The following DIP2C variants were observed in gnomAD, a reference collection of about 807,000 sequenced individuals.
The protein encoded by DIP2C is disco-interacting protein 2 homolog C.
DIP2C carries 33 observed loss-of-function variants against 192.4 expected under a neutral mutation model. The observed-to-expected ratio is 0.17, with a 90% CI of 0.13 to 0.23. DIP2C has a LOEUF of 0.23. DIP2C is among the 10% of genes least tolerant of loss of function. The pLI is 1.00. For missense variants in DIP2C, 1,537 were observed against 2,110.1 expected (o/e 0.73, Z 5.32); for synonymous variants, 979 against 864.1 (o/e 1.13, Z -2.33).
At chr10:492,571 C>T (rs1444904937) in intron 1 of DIP2C, among the ~76,000 whole-genome samples, 2 of 152,158 alleles carry the variant, frequency 1.3e-5, no homozygotes, top group Non-Finnish European at 2.9e-5. Flanking sequence ...GCCTAGCGCC[C>T]CGCACTCTGG....
chr10:417,292 G>T (rs1293760566), intron 6 of DIP2C, among the ~76,000 whole-genome samples: 2 of 152,154 alleles, frequency 1.3e-5, no homozygotes, highest in African/African-American at 4.8e-5. Flanking sequence ...TGGGATTCTG[G>T]TGTGGGAGGC....
chr10:670,589 G>A (rs559862427), intron 1 of DIP2C, among the ~76,000 whole-genome samples: 1 of 152,102 alleles, frequency 6.6e-6, no homozygotes, highest in African/African-American at 2.4e-5. Context: ...GCCAACATCG[G>A]CCTGGATTAA....
At chr10:486,013 C>T (rs996481899) in intron 2 of DIP2C, among the ~76,000 whole-genome samples, 4 of 152,198 alleles carry the variant, frequency 2.6e-5, no homozygotes, top group African/African-American at 9.6e-5. Flanking sequence ...TGTTTGCAAC[C>T]ACATCTCAAC....
intron 1 of DIP2C, among the ~76,000 whole-genome samples, chr10:539,521 T>C (rs1369435198): frequency 6.6e-6 from 1 of 152,228 alleles, no homozygotes; most frequent in Non-Finnish European, 1.5e-5. Flanking sequence ...TTGGTATCCA[T>C]AGGCAGTCCT....
intron 1 of DIP2C, chr10:668,177 C>T (rs898724306): frequency 6.6e-6 from 1 of 151,568 alleles, no homozygotes; most frequent in African/African-American, 2.4e-5. Context: ...ATTGCATACA[C>T]ATAATACATG....
chr10:385,570 C>T lies in DIP2C; in HGVS notation c.1663-931G>A, dbSNP rs149642581. On this transcript the variant is annotated intron_variant, in intron 14 of 36. Transcript: ENST00000280886. ...CTGAATCGCAGGGCTAGGGGAAGCT[C>T]GGATTCTGGCTCTGGCCGGGCCTTG... Among the ~76,000 whole-genome samples, 105 of 152,314 alleles carry T rather than the reference C, an allele frequency of 6.9e-4. No homozygotes were observed. In the East Asian group the frequency reaches 0.014, roughly 20 times the overall value.
intron 8 of DIP2C, among the ~76,000 whole-genome samples, chr10:412,131 C>T (rs1250646511): frequency 2.0e-5 from 3 of 152,186 alleles, no homozygotes; most frequent in South Asian, 2.1e-4. Flanking sequence ...AGACACCAAC[C>T]CTGTTCAAAG....
At chr10:598,306 G>A (rs573853138) in intron 1 of DIP2C, among the ~76,000 whole-genome samples, 144 of 152,070 alleles carry the variant, frequency 9.5e-4, no homozygotes, top group Non-Finnish European at 1.8e-3. Context: ...TTCCCACCCC[G>A]AGGGCAGCTG....
intron 1 of DIP2C, among the ~76,000 whole-genome samples, chr10:604,688 AT>A (rs1852342604): frequency 6.6e-6 from 1 of 152,230 alleles, no homozygotes; most frequent in African/African-American, 2.4e-5. Flanking sequence ...AATTAAATTA[AT>A]TTTCCCCTAA....
Position 495,682 on chromosome 10 carries a change from TG to T in DIP2C, c.86-9153del, listed in dbSNP as rs1844777503. Among the ~76,000 whole-genome samples, 11 of 152,122 alleles carry T rather than the reference TG, an allele frequency of 7.2e-5. No homozygotes were observed. In the East Asian group the frequency reaches 2.1e-3, roughly 29 times the overall value. Reference sequence around the variant, plus strand: ...TGATGCTCAAGTCCCTGATAGAAAATGGCTCAGCATTTACATAGAACCCACA... The same window carrying T: ...TGATGCTCAAGTCCCTGATAGAAAATGCTCAGCATTTACATAGAACCCACA... On this transcript the variant is annotated intron_variant, in intron 1 of 36. Transcript: ENST00000280886.
At chr10:502,478 T>C (rs1366306497) in intron 1 of DIP2C, among the ~76,000 whole-genome samples, 1 of 152,156 alleles carries the variant, frequency 6.6e-6, no homozygotes, top group Non-Finnish European at 1.5e-5. Flanking sequence ...GTCCATAATC[T>C]AAGCTTCTAT....
intron 4 of DIP2C, among the ~76,000 whole-genome samples, chr10:427,712 T>C (rs767843722): frequency 1.3e-5 from 2 of 152,358 alleles, no homozygotes; most frequent in Admixed American, 6.5e-5. Context: ...CACAATGATA[T>C]ACCATTTCAC....
At chr10:588,534 C>T (rs541176678) in intron 1 of DIP2C, among the ~76,000 whole-genome samples, 9 of 152,346 alleles carry the variant, frequency 5.9e-5, no homozygotes, top group South Asian at 2.1e-4. Flanking sequence ...CGGCTTGGGT[C>T]CCTGCCGGGA....
chr10:388,950 T>TG (rs11343399), intron 13 of DIP2C, among the ~76,000 whole-genome samples: 33 of 139,382 alleles, frequency 2.4e-4, no homozygotes, highest in Admixed American at 5.7e-4. Flanking sequence ...CTCAGGGACA[T>TG]GGGGGGGTTC....
chr10:599,840 C>G (rs1851942440), intron 1 of DIP2C, among the ~76,000 whole-genome samples: 1 of 152,196 alleles, frequency 6.6e-6, no homozygotes, highest in Non-Finnish European at 1.5e-5. Flanking sequence ...TTCCTCCATG[C>G]ACTGAGGATG....
chr10:501,479 AATAAT>A (rs906921863), intron 1 of DIP2C, among the ~76,000 whole-genome samples: 8 of 151,496 alleles, frequency 5.3e-5, no homozygotes, highest in Non-Finnish European at 8.8e-5. Context: ...GGATTTTTAT[AATAAT>A]ATGTTTATGA....
intron 17 of DIP2C, 89 bp downstream of exon 17, chr10:382,558 G>T: frequency 1.0e-6 from 1 of 1,001,814 alleles, no homozygotes; most frequent in Non-Finnish European, 1.5e-6. Context: ...CTCACCCTCA[G>T]CATCAACTGT....
At chr10:600,560 T>G (rs1852000925) in intron 1 of DIP2C, among the ~76,000 whole-genome samples, 1 of 151,974 alleles carries the variant, frequency 6.6e-6, no homozygotes, top group Non-Finnish European at 1.5e-5. Context: ...GCCCAGGGTG[T>G]GCGGATGCTC....
At chr10:308,100 T>C (rs1956410198) in intron 32 of DIP2C, among the ~76,000 whole-genome samples, 1 of 151,976 alleles carries the variant, frequency 6.6e-6, no homozygotes, top group African/African-American at 2.4e-5. Flanking sequence ...CAGGGAGGCT[T>C]TGGGGGTGCC....
Sources: allele counts gnomAD v4.1 joint callset (sites outside exome capture counted in the v4.1 genomes callset), GRCh38; gene constraint gnomAD v4.1.1; transcripts MANE v1.5; gene names NCBI Gene and HGNC (gene_info 2026-07-23, HGNC 2026-07-21).